Variants in STARD13 observed in about 807,000 individuals in gnomAD.
The protein encoded by STARD13 is StAR related lipid transfer domain containing 13.
STARD13 carries 62 observed loss-of-function variants against 106.4 expected under a neutral mutation model. That is an observed-to-expected ratio of 0.58 (90% confidence interval 0.48 to 0.72). The LOEUF is 0.72. Among genes scored for constraint, STARD13 ranks in the 30% least tolerant of loss-of-function variants. The pLI is 0.00. For synonymous variants in STARD13, 565 were observed against 553.0 expected, an observed-to-expected ratio of 1.02 and a Z score of -0.31; for missense variants, 1,387 against 1,424.0, an observed-to-expected ratio of 0.97 and a Z score of 0.42.
intron 1 of STARD13, among the ~76,000 whole-genome samples, chr13:33,184,033 T>A (rs1470638779): frequency 6.6e-6 from 1 of 152,182 alleles, no homozygotes; most frequent in Non-Finnish European, 1.5e-5. Flanking sequence ...TGGGATGAGT[T>A]TTTTGGGGCA....
the STARD13 span, among the ~76,000 whole-genome samples, chr13:33,419,623 T>G: frequency 1.3e-5 from 2 of 152,074 alleles, no homozygotes; most frequent in African/African-American, 4.8e-5. Flanking sequence ...AAAGATACTC[T>G]TCAAGAAGAG....
intron 3 of STARD13, among the ~76,000 whole-genome samples, chr13:33,157,882 T>C (rs1882171030): frequency 6.6e-6 from 1 of 152,242 alleles, no homozygotes; most frequent in Non-Finnish European, 1.5e-5. Context: ...CCCTACATTC[T>C]GATAAAGTTA....
intron 1 of STARD13, among the ~76,000 whole-genome samples, chr13:33,188,699 C>T (rs202163688): frequency 1.3e-5 from 2 of 152,170 alleles, no homozygotes; most frequent in Non-Finnish European, 2.9e-5. Context: ...TTTCACTGTT[C>T]GTCACTTCTA....
At chr13:33,424,291 A>G in the STARD13 span, among the ~76,000 whole-genome samples, 2 of 152,150 alleles carry the variant, frequency 1.3e-5, no homozygotes, top group African/African-American at 4.8e-5. Flanking sequence ...ATGAATGATT[A>G]CTTCCAGCTG....
chr13:33,255,515 G>T (rs1890319206), intron 1 of STARD13, among the ~76,000 whole-genome samples: 2 of 152,052 alleles, frequency 1.3e-5, no homozygotes, highest in African/African-American at 4.8e-5. Context: ...ATGTGGTGGT[G>T]AATGGGAAGG....
intron 1 of STARD13, among the ~76,000 whole-genome samples, chr13:33,325,854 G>A (rs900580462): frequency 2.3e-4 from 35 of 151,966 alleles, no homozygotes; most frequent in Non-Finnish European, 4.9e-4. Context: ...GCATGGTGGC[G>A]GGCGCCTGTA....
chr13:33,620,192 C>A, the STARD13 span, among the ~76,000 whole-genome samples: 1 of 151,730 alleles, frequency 6.6e-6, no homozygotes, highest in Non-Finnish European at 1.5e-5. Flanking sequence ...AAGAATACAG[C>A]AAATTTGAAA....
At chr13:33,202,452 C>G (rs1377070904) in intron 1 of STARD13, among the ~76,000 whole-genome samples, 1 of 152,204 alleles carries the variant, frequency 6.6e-6, no homozygotes, top group Non-Finnish European at 1.5e-5. Context: ...TTCTCATTCA[C>G]TTGACAAACA....
At chr13:33,167,310 T>C (rs1594022341) in intron 2 of STARD13, among the ~76,000 whole-genome samples, 1 of 152,088 alleles carries the variant, frequency 6.6e-6, no homozygotes, top group South Asian at 2.1e-4. Context: ...AGTTGGGGTT[T>C]GCGGTAAAGA....
chr13:33,444,054 G>A, the STARD13 span, among the ~76,000 whole-genome samples: 1 of 152,128 alleles, frequency 6.6e-6, no homozygotes, highest in Non-Finnish European at 1.5e-5. Flanking sequence ...GGTACACTTT[G>A]GAGCAGATGT....
the STARD13 span, among the ~76,000 whole-genome samples, chr13:33,423,353 T>C: frequency 1.3e-5 from 2 of 152,210 alleles, no homozygotes; most frequent in African/African-American, 4.8e-5. Flanking sequence ...ATGGTCATCA[T>C]CACTGGTCAT....
the STARD13 span, among the ~76,000 whole-genome samples, chr13:33,386,306 C>G: frequency 1.3e-5 from 2 of 152,198 alleles, no homozygotes. Context: ...TCTTGCTCTT[C>G]AGTTTCCCCT....
At chr13:33,247,613 T>C (rs942524724) in intron 1 of STARD13, among the ~76,000 whole-genome samples, 2 of 152,192 alleles carry the variant, frequency 1.3e-5, no homozygotes, top group African/African-American at 4.8e-5. Context: ...CCAAATATAA[T>C]ATCAAGTACA....
chr13:33,194,887 C>A (rs73459238), intron 1 of STARD13, among the ~76,000 whole-genome samples: 4,008 of 152,352 alleles, frequency 0.026, 126 homozygotes, highest in South Asian at 0.083. Flanking sequence ...CCTGGGCCTG[C>A]AGCCCCCTCT....
Position 33,112,885 on chromosome 13 carries a change from C to T in STARD13, c.2328G>A (p.Leu776=). 1.2e-6 allele frequency: 2 copies of T among 1,613,502 alleles called. No individual in the cohort carries two copies. The highest frequency in any genetic ancestry group is 1.7e-6 in the Non-Finnish European group (2 of 1,179,714). ...CCTCCCTGTTCTCATCGGCCAGTAGCAGGATGGCAGCCTGCACGGCCTGCA... is the reference window on the plus strand; with the variant it reads ...CCTCCCTGTTCTCATCGGCCAGTAGTAGGATGGCAGCCTGCACGGCCTGCA... ...QRLQAVQAAI[L]LLADENREVL... Residue 776 remains leucine, a synonymous_variant, in exon 9 of 14, where the codon CTG becomes CTA. Coordinates refer to ENST00000336934, the MANE Select transcript of STARD13 (RefSeq NM_178006.4).
chr13:33,591,813 A>G, the STARD13 span, among the ~76,000 whole-genome samples: 1 of 151,706 alleles, frequency 6.6e-6, no homozygotes, highest in African/African-American at 2.4e-5. Context: ...GAAGGAAAAA[A>G]AAGAAACATA....
chr13:33,641,735 G>C, the STARD13 span, among the ~76,000 whole-genome samples: 23 of 152,258 alleles, frequency 1.5e-4, no homozygotes, highest in Middle Eastern at 3.4e-3. Context: ...GAAGAAGCCT[G>C]TGATATACTG....
At chr13:33,253,577 AG>A (rs1317954361) in intron 1 of STARD13, among the ~76,000 whole-genome samples, 2 of 152,154 alleles carry the variant, frequency 1.3e-5, no homozygotes. Context: ...CTGCTGGGTG[AG>A]GGGGACCTCC....
upstream of STARD13, among the ~76,000 whole-genome samples, chr13:33,354,299 A>C (rs1264601554): frequency 6.6e-6 from 1 of 152,176 alleles, no homozygotes; most frequent in Non-Finnish European, 1.5e-5. Flanking sequence ...GCTGTTCTTG[A>C]ATGCCCTTAC....
Sources: allele counts gnomAD v4.1 joint callset (sites outside exome capture counted in the v4.1 genomes callset), GRCh38; gene constraint gnomAD v4.1.1; transcripts MANE v1.5; gene names NCBI Gene and HGNC (gene_info 2026-07-23, HGNC 2026-07-21).